The following ACSS3 variants were observed in gnomAD, a reference collection of about 807,000 sequenced individuals.
The protein encoded by ACSS3 is acyl-CoA synthetase short-chain family member 3, mitochondrial.
A neutral mutation model predicts 84.2 loss-of-function variants in ACSS3; 64 were observed. The ratio of observed to expected loss-of-function variants is 0.76; its 90% CI spans 0.62 to 0.94. The LOEUF (loss-of-function observed/expected upper bound fraction) is 0.94. ACSS3 is among the 40% of genes least tolerant of loss of function. The probability of loss-of-function intolerance (pLI) is 0.00; values close to 1 mark genes in which losing one functional copy is unlikely to be tolerated. For synonymous variants in ACSS3, 317 were observed against 310.1 expected, an observed-to-expected ratio of 1.02 and a Z score of -0.23; for missense variants, 815 against 867.6, an observed-to-expected ratio of 0.94 and a Z score of 0.76.
intron 10 of ACSS3, among the ~76,000 whole-genome samples, chr12:81,218,936 A>G (rs1022699881): frequency 2.0e-5 from 3 of 152,056 alleles, no homozygotes; most frequent in African/African-American, 7.2e-5. Context: ...ATAGTATAAT[A>G]ATAAAAAAAA....
intron 1 of ACSS3, among the ~76,000 whole-genome samples, chr12:81,082,330 A>G (rs556640348): frequency 2.0e-5 from 3 of 152,202 alleles, no homozygotes; most frequent in Non-Finnish European, 4.4e-5. Flanking sequence ...GGTTTTCAAC[A>G]TGATGAACAC....
chr12:81,125,480 C>G (rs920208114), intron 2 of ACSS3: 4 of 152,138 alleles, frequency 2.6e-5, no homozygotes, highest in Non-Finnish European at 1.5e-5. Context: ...CTCTGCCAGT[C>G]TTCACTTAAC....
intron 7 of ACSS3, among the ~76,000 whole-genome samples, chr12:81,170,285 C>A (rs1437319304): frequency 1.3e-5 from 2 of 152,100 alleles, no homozygotes; most frequent in Admixed American, 1.3e-4. Context: ...GCCTTGTCAT[C>A]TACAATACAT....
chr12:81,246,714 A>G (rs972457880), intron 13 of ACSS3, among the ~76,000 whole-genome samples: 6 of 152,234 alleles, frequency 3.9e-5, no homozygotes, highest in Admixed American at 1.3e-4. Context: ...TACAATTTGA[A>G]TGAAAGAAAA....
intron 1 of ACSS3, among the ~76,000 whole-genome samples, chr12:81,088,803 C>T (rs570021926): frequency 1.3e-5 from 2 of 151,882 alleles, no homozygotes; most frequent in South Asian, 2.1e-4. Flanking sequence ...CCTCTGAAAC[C>T]GTTTAAAGTT....
intron 2 of ACSS3, among the ~76,000 whole-genome samples, chr12:81,132,963 GT>G (rs1451307707): frequency 6.6e-6 from 1 of 151,744 alleles, no homozygotes; most frequent in Non-Finnish European, 1.5e-5. Flanking sequence ...TTTTTGTCTT[GT>G]TTTTTTGAGT....
At chr12:81,184,743 CA>C (rs2031154713) in intron 8 of ACSS3, among the ~76,000 whole-genome samples, 1 of 151,516 alleles carries the variant, frequency 6.6e-6, no homozygotes, top group African/African-American at 2.4e-5. Context: ...GAGAAGTAAT[CA>C]AAACCCTTCC....
intron 13 of ACSS3, among the ~76,000 whole-genome samples, chr12:81,234,130 A>G (rs1033730296): frequency 2.0e-5 from 3 of 151,432 alleles, no homozygotes; most frequent in Non-Finnish European, 3.0e-5. Context: ...CCAATTTTAT[A>G]TAAATAGATG....
intron 8 of ACSS3, among the ~76,000 whole-genome samples, chr12:81,180,569 G>C (rs2030854928): frequency 6.6e-6 from 1 of 152,100 alleles, no homozygotes; most frequent in Non-Finnish European, 1.5e-5. Flanking sequence ...AGGCTGGAGT[G>C]CAGTGGCATG....
intron 13 of ACSS3, among the ~76,000 whole-genome samples, chr12:81,248,743 C>T (rs572501581): frequency 3.4e-4 from 52 of 151,960 alleles, no homozygotes; most frequent in African/African-American, 1.3e-3. Flanking sequence ...GATAAATACT[C>T]GAAGTGATGG....
At chr12:81,170,286 T>G (rs2029938943) in intron 7 of ACSS3, among the ~76,000 whole-genome samples, 1 of 152,270 alleles carries the variant, frequency 6.6e-6, no homozygotes, top group East Asian at 1.9e-4. Flanking sequence ...CCTTGTCATC[T>G]ACAATACATA....
In ACSS3 at chr12:81,125,136, T is replaced by C. The variant is rs975883209; in HGVS notation, c.457-9680T>C. On this transcript the variant is annotated intron_variant, in intron 2 of 15. Transcript: ENST00000548058. ...GGCTGAGGCAGGAGAATGGCGTGAA[T>C]CCGGGAGGCGGAGCTTGCAGTGAGC... Among the ~76,000 whole-genome samples, 6 of 151,920 alleles carry C rather than the reference T, an allele frequency of 3.9e-5. No individual in the cohort carries two copies. The East Asian group carries it at 7.8e-4, about 20-fold the overall frequency.
chr12:81,192,271 C>T (rs968134640), intron 8 of ACSS3, among the ~76,000 whole-genome samples: 1 of 151,810 alleles, frequency 6.6e-6, no homozygotes, highest in Non-Finnish European at 1.5e-5. Flanking sequence ...ATCCCAGCTA[C>T]TTGGGAGGCT....
chr12:81,084,174 C>T (rs1881172135), intron 1 of ACSS3, among the ~76,000 whole-genome samples: 1 of 152,032 alleles, frequency 6.6e-6, no homozygotes, highest in Non-Finnish European at 1.5e-5. Context: ...TTTGCAGTGC[C>T]TCGTAAGGCA....
intron 2 of ACSS3, among the ~76,000 whole-genome samples, chr12:81,134,346 T>C (rs1045691729): frequency 1.3e-5 from 2 of 152,268 alleles, no homozygotes; most frequent in Admixed American, 6.5e-5. Context: ...TGATATGTTT[T>C]CTTTATGAAT....
intron 11 of ACSS3, among the ~76,000 whole-genome samples, chr12:81,223,399 G>A (rs745856931): frequency 3.3e-5 from 5 of 152,022 alleles, no homozygotes; most frequent in South Asian, 2.1e-4. Flanking sequence ...CAGTCACTGC[G>A]TTGCCATCTT....
intron 1 of ACSS3, among the ~76,000 whole-genome samples, chr12:81,091,936 T>C (rs1161919821): frequency 3.3e-5 from 5 of 152,116 alleles, no homozygotes; most frequent in Admixed American, 3.3e-4. Flanking sequence ...TCACTTGCCA[T>C]GCAGAGATAG....
rs576145957 is a variant in ACSS3 at position 81,258,225 on chromosome 12, C to G, written c.*3303C>G. On this transcript the variant is annotated 3_prime_UTR_variant, in exon 16 of 16. Coordinates refer to ENST00000548058, the MANE Select transcript of ACSS3 (RefSeq NM_024560.4). ...TTTCCTGATAGTTTAAGTAAATTGT[C>G]GAGCCTTATGTGACTAGAAAACAAA... is the stretch of plus-strand genomic sequence containing the variant. 1 of 151,992 alleles carries G rather than the reference C, an allele frequency of 6.6e-6. No individual in the cohort carries two copies. The highest frequency in any genetic ancestry group is 2.4e-5 in the African/African-American group (1 of 41,398). The allele number at this position is 151,992 out of a possible 1,614,324, so 9.4% of individuals were successfully genotyped here.
chr12:81,238,918 C>G (rs868395688), intron 13 of ACSS3, among the ~76,000 whole-genome samples: 2 of 150,552 alleles, frequency 1.3e-5, no homozygotes. Flanking sequence ...TTTGGTCTTC[C>G]ATTTTCTAGT....
Sources: gnomAD v4.1 joint callset for allele counts (sites outside exome capture counted in the v4.1 genomes callset) on GRCh38, gnomAD v4.1.1 for gene constraint, MANE v1.5 for transcripts, NCBI Gene and HGNC (gene_info 2026-07-23, HGNC 2026-07-21) for gene names.